The following HIVEP3 variants were observed in gnomAD, a reference collection of about 807,000 sequenced individuals.
The protein encoded by HIVEP3 is HIVEP zinc finger 3, also known as transcription factor HIVEP3.
In HIVEP3, 49 loss-of-function variants were observed where a neutral mutation model predicts 152.8. That is an observed-to-expected ratio of 0.32 (90% CI 0.26 to 0.41). The LOEUF (loss-of-function observed/expected upper bound fraction) is 0.41, where lower values mean the gene tolerates loss of function less well. Ranked by LOEUF, HIVEP3 falls within the 10% of genes least tolerant of loss-of-function variation. HIVEP3 has a pLI of 1.00. For synonymous variants in HIVEP3, 1,269 were observed against 1,289.0 expected, an observed-to-expected ratio of 0.98 and a Z score of 0.33; for missense variants, 2,790 against 3,103.3, an observed-to-expected ratio of 0.90 and a Z score of 2.40.
chr1:41,975,658 T>C (rs1270779265), intron 1 of HIVEP3, among the ~76,000 whole-genome samples: 1 of 152,244 alleles, frequency 6.6e-6, no homozygotes, highest in Non-Finnish European at 1.5e-5. Context: ...ACAGTATAGT[T>C]GAATTCTGCT....
chr1:41,675,015 A>T (rs1304510507), intron 2 of HIVEP3, among the ~76,000 whole-genome samples: 1 of 152,170 alleles, frequency 6.6e-6, no homozygotes, highest in East Asian at 1.9e-4. Flanking sequence ...AAAGCCCCTC[A>T]GAGGCCTTCT....
At position 41,584,625 on chromosome 1, in the gene HIVEP3, G is replaced by A. The variant is rs751790060; in HGVS notation, c.173C>T (p.Pro58Leu). Residue 58 changes from proline (P) to leucine (L), a missense_variant, in exon 4 of 9, where the codon CCC (proline) becomes CTC (leucine). This residue lies in a region of HIVEP3 where 209 missense variants were observed against 237.0 expected (regional missense o/e 0.88). Coordinates refer to ENST00000372583, the MANE Select transcript of HIVEP3 (RefSeq NM_024503.5). This position sits in a 1 kb window ranked among gnomAD's most constrained non-coding sequence, Gnocchi z 5.2. ...AAGAACTGATGAGGGGCCCGGGAAG[G>A]GCTGCGGGGCTAAGAGCTCTTGGGC... ...SPAQELLAPQPFPGPSSVLRE... is the reference protein window; with the variant it reads ...SPAQELLAPQLFPGPSSVLRE... 1 of 1,608,346 alleles carries A rather than the reference G, an allele frequency of 6.2e-7. No individual in the cohort carries two copies. Among genetic ancestry groups the A allele is most frequent in the Non-Finnish European group, 8.5e-7 (1 of 1,176,560 alleles).
chr1:41,923,514 C>T (rs1346994819), upstream of HIVEP3, among the ~76,000 whole-genome samples: 2 of 152,092 alleles, frequency 1.3e-5, no homozygotes, highest in African/African-American at 4.8e-5. Flanking sequence ...AAAGGAGCAA[C>T]ATTGGCCAAT....
intron 2 of HIVEP3, among the ~76,000 whole-genome samples, chr1:41,675,857 C>A (rs1451151812): frequency 2.0e-5 from 3 of 152,278 alleles, no homozygotes; most frequent in South Asian, 4.1e-4. Flanking sequence ...AGGCCACAGG[C>A]TCTGCTGATG....
intron 1 of HIVEP3, among the ~76,000 whole-genome samples, chr1:41,761,851 A>C (rs1249071591): frequency 6.6e-6 from 1 of 152,218 alleles, no homozygotes; most frequent in Admixed American, 6.5e-5. Context: ...GAGGCAGACA[A>C]ATCCCAAGGC....
chr1:41,923,427 T>C (rs72949454), upstream of HIVEP3, among the ~76,000 whole-genome samples: 5,560 of 152,156 alleles, frequency 0.037, 317 homozygotes, highest in African/African-American at 0.13. Flanking sequence ...ATAAGTGGGA[T>C]CTTAAAAAGT....
chr1:41,839,080 C>T (rs1045309852), intron 1 of HIVEP3, among the ~76,000 whole-genome samples: 1 of 152,146 alleles, frequency 6.6e-6, no homozygotes, highest in African/African-American at 2.4e-5. Context: ...TGCTGTGTGA[C>T]CTTGTCAAGT....
intron 1 of HIVEP3, among the ~76,000 whole-genome samples, chr1:41,948,827 C>A (rs1645089455): frequency 6.6e-6 from 1 of 151,864 alleles, no homozygotes; most frequent in African/African-American, 2.4e-5. Context: ...TGGACCAGGC[C>A]TTTTCAAAAC....
At chr1:41,659,574 C>T (rs758607168) in intron 2 of HIVEP3, among the ~76,000 whole-genome samples, 35 of 152,322 alleles carry the variant, frequency 2.3e-4, no homozygotes, top group Non-Finnish European at 4.1e-4. Flanking sequence ...CTGGCAGACA[C>T]TCATTCAATA....
intron 1 of HIVEP3, among the ~76,000 whole-genome samples, chr1:41,818,366 AT>A (rs1283896886): frequency 1.3e-5 from 2 of 152,192 alleles, no homozygotes; most frequent in Non-Finnish European, 2.9e-5. Flanking sequence ...GGGAGTTCAA[AT>A]GGATTCAGCC....
At chr1:41,832,554 T>C (rs1394122451) in intron 1 of HIVEP3, among the ~76,000 whole-genome samples, 11 of 152,166 alleles carry the variant, frequency 7.2e-5, no homozygotes, top group Non-Finnish European at 1.5e-4. Context: ...TTACTGGGTG[T>C]GTGTGAAAGC....
intron 1 of HIVEP3, among the ~76,000 whole-genome samples, chr1:41,794,147 G>A (rs377085919): frequency 3.0e-4 from 46 of 152,324 alleles, no homozygotes; most frequent in African/African-American, 1.1e-3. Flanking sequence ...CCACATGGCT[G>A]GGGATGCCTC....
chr1:41,575,362 A>G (rs774262713), intron 5 of HIVEP3, among the ~76,000 whole-genome samples, 182 bp downstream of exon 5: 10 of 152,266 alleles, frequency 6.6e-5, no homozygotes, highest in Middle Eastern at 3.4e-3. Flanking sequence ...GCCCCACGGC[A>G]TTCTTAAACA....
upstream of HIVEP3, among the ~76,000 whole-genome samples, chr1:41,919,095 AAT>A (rs1557521536): frequency 6.6e-6 from 1 of 152,166 alleles, no homozygotes; most frequent in East Asian, 1.9e-4. Context: ...ATATATGTAT[AAT>A]ATATGTGCAT....
rs1422823702 is a variant in HIVEP3 at position 41,664,569 on chromosome 1, C to T, written c.-720-35622G>A. Among the ~76,000 whole-genome samples, 2 of 152,190 alleles carry T rather than the reference C, an allele frequency of 1.3e-5. No homozygotes were observed. The highest frequency in any genetic ancestry group is 2.9e-5 in the Non-Finnish European group (2 of 68,040). On this transcript the variant is annotated intron_variant, in intron 2 of 8. Transcript: ENST00000372583. The surrounding 1 kb of genome is among the most constrained non-coding windows in gnomAD (Gnocchi z 4.4). ...AGACTGGGAGCTTCAGGGAACTTTC[C>T]ATCTTGATCCCTCTCCCCTCCCAGG...
intron 1 of HIVEP3, among the ~76,000 whole-genome samples, chr1:41,937,907 A>T (rs1645027646): frequency 6.6e-6 from 1 of 152,144 alleles, no homozygotes; most frequent in South Asian, 2.1e-4. Context: ...CAGCACCTTA[A>T]GAGTAGTGTG....
rs1644465268 is a variant in HIVEP3, at chr1:41,584,063, G to A, written c.735C>T (p.Arg245=). The A allele has an allele frequency of 6.2e-7, 1 of 1,614,224 alleles. No individual in the cohort carries two copies. The highest frequency in any genetic ancestry group is 8.5e-7 in the Non-Finnish European group (1 of 1,180,028). Residue 245 remains arginine, a synonymous_variant, in exon 4 of 9, where the codon CGC becomes CGT. Transcript: ENST00000372583. The surrounding 1 kb of genome is among the most constrained non-coding windows in gnomAD (Gnocchi z 5.2). ...TGCCTGAGGCCAGGCCTGCTTTGAT[G>A]CGGTGGGCATGGGACTTCCTGTGCT... The part of the protein sequence containing the change: ...LYKHRKSHAH[R]IKAGLASGMG...
At chr1:41,534,880 C>A (rs1053605291) in intron 5 of HIVEP3, among the ~76,000 whole-genome samples, 1 of 152,174 alleles carries the variant, frequency 6.6e-6, no homozygotes, top group South Asian at 2.1e-4. Context: ...CTGCTCAGAG[C>A]GGGAGAGGTG....
At chr1:41,683,176 G>A (rs1221109748) in intron 2 of HIVEP3, among the ~76,000 whole-genome samples, 1 of 152,250 alleles carries the variant, frequency 6.6e-6, no homozygotes, top group African/African-American at 2.4e-5. Context: ...GCACTTTAAG[G>A]CTGAAGCAGT....
Sources: allele counts gnomAD v4.1 joint callset (sites outside exome capture counted in the v4.1 genomes callset), GRCh38; gene constraint gnomAD v4.1.1; regional missense constraint gnomAD v4.1.1; non-coding constraint Gnocchi (gnomAD v3.1); transcripts MANE v1.5; gene names NCBI Gene and HGNC (gene_info 2026-07-23, HGNC 2026-07-21).